The following FBXW11 variants were observed in gnomAD, a reference collection of about 807,000 sequenced individuals.
FBXW11 encodes the protein F-box/WD repeat-containing protein 11.
A neutral mutation model predicts 77.6 loss-of-function variants in FBXW11; 19 were observed. The observed-to-expected ratio is 0.24, with a 90% CI of 0.17 to 0.36. The LOEUF is 0.36. Ranked by LOEUF, FBXW11 falls within the 10% of genes least tolerant of loss-of-function variation. The pLI is 1.00. For synonymous variants in FBXW11, 235 were observed against 249.4 expected (o/e 0.94, Z 0.54); for missense variants, 334 against 704.2 (o/e 0.47, Z 5.95).
At chr5:171,972,810 G>A (rs1409682581) in intron 1 of FBXW11, among the ~76,000 whole-genome samples, 1 of 152,168 alleles carries the variant, frequency 6.6e-6, no homozygotes, top group African/African-American at 2.4e-5. Flanking sequence ...CTCCCAAAGT[G>A]CTGGGATTAC....
chr5:171,957,533 A>T, intron 2 of FBXW11, 64 bp downstream of exon 2: 1 of 1,354,004 alleles, frequency 7.4e-7, no homozygotes, highest in South Asian at 1.2e-5. Context: ...ACACTACTGC[A>T]AGTTTCAACA....
intron 1 of FBXW11, among the ~76,000 whole-genome samples, chr5:171,971,634 A>C (rs913215084): frequency 1.3e-5 from 2 of 152,008 alleles, no homozygotes; most frequent in African/African-American, 4.8e-5. Flanking sequence ...TGAGGAGGAA[A>C]AAAAAAAATT....
intron 2 of FBXW11, among the ~76,000 whole-genome samples, chr5:171,924,261 AG>A (rs957863108): frequency 9.9e-5 from 15 of 152,232 alleles, no homozygotes; most frequent in African/African-American, 3.6e-4. Flanking sequence ...TGAAGCCTGA[AG>A]ACAAGGCTGC....
At chr5:171,963,059 C>T (rs1451858524) in intron 1 of FBXW11, among the ~76,000 whole-genome samples, 2 of 152,146 alleles carry the variant, frequency 1.3e-5, no homozygotes, top group Non-Finnish European at 2.9e-5. Flanking sequence ...AGTTGAGTGG[C>T]TGTTCCATTA....
chr5:171,978,600 A>T (rs982844789), intron 1 of FBXW11, among the ~76,000 whole-genome samples: 1 of 152,200 alleles, frequency 6.6e-6, no homozygotes, highest in Admixed American at 6.5e-5. Context: ...CCAGAGCCAG[A>T]GTCTACGCAG....
chr5:171,947,778 T>G (rs1305582311), intron 2 of FBXW11, among the ~76,000 whole-genome samples: 1 of 151,560 alleles, frequency 6.6e-6, no homozygotes, highest in East Asian at 1.9e-4. Flanking sequence ...TAGCCAGGAG[T>G]GGCTGGTGTG....
At chr5:171,954,686 G>T (rs1221904097) in intron 2 of FBXW11, among the ~76,000 whole-genome samples, 1 of 152,192 alleles carries the variant, frequency 6.6e-6, no homozygotes. Flanking sequence ...TAAGTTTGCA[G>T]AAAGTCCACT....
chr5:171,977,435 T>C (rs903603941), intron 1 of FBXW11, among the ~76,000 whole-genome samples: 5 of 152,076 alleles, frequency 3.3e-5, no homozygotes, highest in African/African-American at 1.2e-4. Context: ...CTAAGACAGA[T>C]GCTGGGAATG....
At chr5:171,896,872 C>T (rs188341745) in intron 6 of FBXW11, among the ~76,000 whole-genome samples, 65 of 152,232 alleles carry the variant, frequency 4.3e-4, no homozygotes, top group Admixed American at 3.0e-3. Flanking sequence ...GAGCCAAGCC[C>T]GTGAGAGGCT....
intron 8 of FBXW11, among the ~76,000 whole-genome samples, chr5:171,877,226 T>C (rs1446182630): frequency 3.3e-5 from 5 of 152,154 alleles, no homozygotes; most frequent in East Asian, 1.9e-4. Flanking sequence ...TGGCAAAAGA[T>C]GATTCCTCTA....
Position 171,957,774 on chromosome 5 carries a change from T to C in FBXW11, c.46-76A>G, listed in dbSNP as rs563490574. 2.5e-5 allele frequency: 32 copies of C among 1,267,584 alleles called. No homozygotes were observed. The South Asian group carries it at 3.3e-4, about 13-fold the overall frequency. 78.5% of individuals were successfully genotyped at this position (1,267,584 alleles called of 1,614,324 possible). A position where few individuals can be genotyped will look rare whatever the true frequency, so the allele number is the denominator to read the frequency against. ...CAAATCACTCCTTCACACAGGCAACTTGAATGTTAGTTGGGGCAGGGGGTG... is the reference window on the plus strand; with the variant it reads ...CAAATCACTCCTTCACACAGGCAACCTGAATGTTAGTTGGGGCAGGGGGTG... On this transcript the variant is annotated intron_variant, in intron 1 of 13. Coordinates refer to ENST00000517395, the MANE Select transcript of FBXW11 (RefSeq NM_001378974.1).
At chr5:171,915,061 G>A (rs911271623) in intron 2 of FBXW11, among the ~76,000 whole-genome samples, 6 of 152,144 alleles carry the variant, frequency 3.9e-5, no homozygotes, top group Non-Finnish European at 5.9e-5. Flanking sequence ...TGATCCAGTC[G>A]CTCAATAGAT....
rs1491271340 is a variant in FBXW11 at position 171,952,448 on chromosome 5, T to TATATATATATATATATATATA, written c.147+5148_147+5149insTATATATATATATATATATAT. 1.6e-3 allele frequency among the ~76,000 whole-genome samples: 17 copies of TATATATATATATATATATATA among 10,866 alleles called. 2 individuals carry two copies. The highest frequency in any genetic ancestry group is 0.013 in the South Asian group (1 of 78). The allele number at this position is 10,866 out of a possible 152,430, so 7.1% of individuals were successfully genotyped here. On this transcript the variant is annotated intron_variant, in intron 2 of 13. Transcript: ENST00000517395. ...ATATATATATATATATATATATATA[T>TATATATATATATATATATATA]TTTTTTTTTTTTTTTTTTTTTTGAG...
intron 1 of FBXW11, among the ~76,000 whole-genome samples, chr5:171,963,764 C>A (rs1173226144): frequency 1.3e-5 from 2 of 152,058 alleles, no homozygotes; most frequent in Non-Finnish European, 2.9e-5. Context: ...CCAAATCAAG[C>A]CAGCAACAAA....
At chr5:171,924,786 G>C (rs1761802682) in intron 2 of FBXW11, among the ~76,000 whole-genome samples, 1 of 94,468 alleles carries the variant, frequency 1.1e-5, no homozygotes, top group African/African-American at 4.3e-5. Flanking sequence ...CCCGCTGATT[G>C]GTAGTGCTGC....
intron 2 of FBXW11, among the ~76,000 whole-genome samples, chr5:171,945,638 T>C (rs1167337496): frequency 6.6e-6 from 1 of 152,230 alleles, no homozygotes; most frequent in African/African-American, 2.4e-5. Flanking sequence ...TTGAGCACTA[T>C]ATACTAATGG....
chr5:171,893,824 A>G (rs1220815497), intron 6 of FBXW11, among the ~76,000 whole-genome samples: 1 of 152,220 alleles, frequency 6.6e-6, no homozygotes, highest in East Asian at 1.9e-4. Context: ...GTCAAGTGTT[A>G]TCAAGCTGTT....
intron 2 of FBXW11, among the ~76,000 whole-genome samples, chr5:171,954,124 T>C (rs554930008): frequency 6.6e-6 from 1 of 152,338 alleles, no homozygotes; most frequent in East Asian, 1.9e-4. Flanking sequence ...CCAAGACAAC[T>C]TGCCAGTCTA....
intron 8 of FBXW11, among the ~76,000 whole-genome samples, chr5:171,877,536 C>T (rs1158201892): frequency 1.3e-5 from 2 of 152,084 alleles, no homozygotes; most frequent in African/African-American, 4.8e-5. Context: ...AGGACAAGTT[C>T]ACATAGGGCA....
Sources: allele counts gnomAD v4.1 joint callset (sites outside exome capture counted in the v4.1 genomes callset), GRCh38; gene constraint gnomAD v4.1.1; transcripts MANE v1.5; gene names NCBI Gene and HGNC (gene_info 2026-07-23, HGNC 2026-07-21).